Variants in SIRPA observed in about 807,000 individuals in gnomAD.
The protein encoded by SIRPA is signal regulatory protein alpha, also known as tyrosine-protein phosphatase non-receptor type substrate 1.
In SIRPA, 9 loss-of-function variants were observed where a neutral mutation model predicts 50.3. The ratio of observed to expected loss-of-function variants is 0.18; its 90% CI spans 0.11 to 0.31. The LOEUF (loss-of-function observed/expected upper bound fraction) is 0.31. SIRPA is among the 10% of genes least tolerant of loss of function. The pLI, the probability that SIRPA is intolerant of heterozygous loss-of-function variation, is 1.00. For missense variants in SIRPA, 474 were observed against 661.6 expected (o/e 0.72, Z 3.11); for synonymous variants, 265 against 284.1 (o/e 0.93, Z 0.68).
chr20:1,895,547 C>A (rs1275701365), intron 1 of SIRPA, 21 bp downstream of exon 1: 2 of 1,420,122 alleles, frequency 1.4e-6, no homozygotes, highest in East Asian at 6.1e-5. Context: ...CCCCGCTCCC[C>A]ACCGCTGCAC....
At position 1,915,014 on chromosome 20, in the gene SIRPA, T is replaced by C; in HGVS notation, c.80-85T>C. The C allele has an allele frequency of 2.7e-6, 3 of 1,109,396 alleles. No individual in the cohort carries two copies. The South Asian group carries it at 4.5e-5, about 17-fold the overall frequency. 68.7% of individuals were successfully genotyped at this position (1,109,396 alleles called of 1,614,324 possible). On this transcript the variant is annotated intron_variant, in intron 1 of 7. Transcript: ENST00000358771. ...CAGCCTGCTTCTGGTGTGCATCCAG[T>C]CAATGAACGTCATTGATAAACACTT...
intron 5 of SIRPA, among the ~76,000 whole-genome samples, chr20:1,926,624 T>A (rs193017456): frequency 6.6e-6 from 1 of 152,346 alleles, no homozygotes; most frequent in East Asian, 1.9e-4. Context: ...TCACTGTGCT[T>A]TCCCTGTAGT....
rs1042701466 is a variant in SIRPA at position 1,924,050 on chromosome 20, T to C, written c.1088-714T>C. Among the ~76,000 whole-genome samples the C allele has an allele frequency of 7.2e-5, 11 of 152,042 alleles. No homozygotes were observed. The highest frequency in any genetic ancestry group is 2.7e-4 in the African/African-American group (11 of 41,370). On this transcript the variant is annotated intron_variant, in intron 4 of 7. Coordinates refer to ENST00000358771, the MANE Select transcript of SIRPA (RefSeq NM_001040023.2). This position sits in a 1 kb window ranked among gnomAD's most constrained non-coding sequence, Gnocchi z 4.5. ...CATAATCCTTAGTTAGCCAATGAGG[T>C]AGAGATGACTGTTGGCCCCAGTAAC...
intron 1 of SIRPA, among the ~76,000 whole-genome samples, chr20:1,903,767 T>G (rs1024070243): frequency 6.6e-6 from 1 of 152,196 alleles, no homozygotes; most frequent in African/African-American, 2.4e-5. Context: ...CTCCCTTCCT[T>G]GGATGCTGTC....
At position 1,898,745 on chromosome 20, in the gene SIRPA, G is replaced by T. The variant is rs1425071035; in HGVS notation, c.79+3219G>T. Among the ~76,000 whole-genome samples, 1 of 152,030 alleles carries T rather than the reference G, an allele frequency of 6.6e-6. No homozygotes were observed. Among genetic ancestry groups the T allele is most frequent in the East Asian group, 1.9e-4 (1 of 5,158 alleles). Reference sequence around the variant, plus strand: ...TGGCCTTGGGTGGAGGACTGTAGAAGAGTTCTTTCTCTGGGCAGAAGGTTT... The same window carrying T: ...TGGCCTTGGGTGGAGGACTGTAGAATAGTTCTTTCTCTGGGCAGAAGGTTT... On this transcript the variant is annotated intron_variant, in intron 1 of 7. Transcript: ENST00000358771. The surrounding 1 kb of genome is among the most constrained non-coding windows in gnomAD (Gnocchi z 4.3).
chr20:1,895,163 TCTCTCTCCTGCCGC>T (rs1246397920), upstream of SIRPA: 2 of 308,686 alleles, frequency 6.5e-6, no homozygotes, highest in Non-Finnish European at 1.2e-5. Context: ...TGGGTCTGTT[TCTCTCTCCTGCCGC>T]CTCTCTCTGG....
At position 1,928,787 on chromosome 20, in the gene SIRPA, G is replaced by C. The variant is rs1302824912; in HGVS notation, c.1226+888G>C. On this transcript the variant is annotated intron_variant, in intron 6 of 7. Transcript: ENST00000358771. This position sits in a 1 kb window ranked among gnomAD's most constrained non-coding sequence, Gnocchi z 4.9. ...AGAGGGAAGGAGAGGAAGAAGATAAGGTCAGGAAGACCCAGGTCCTCGGCA... is the reference window on the plus strand; with the variant it reads ...AGAGGGAAGGAGAGGAAGAAGATAACGTCAGGAAGACCCAGGTCCTCGGCA... Among the ~76,000 whole-genome samples the C allele has an allele frequency of 1.3e-5, 2 of 152,108 alleles. No individual in the cohort carries two copies. The highest frequency in any genetic ancestry group is 2.9e-5 in the Non-Finnish European group (2 of 68,032).
Position 1,927,841 on chromosome 20 carries a change from T to TAAAC in SIRPA, c.1202-31_1202-28dup, listed in dbSNP as rs1986074040. The TAAAC allele has an allele frequency of 6.2e-7, 1 of 1,610,718 alleles. No individual in the cohort carries two copies. Among genetic ancestry groups the TAAAC allele is most frequent in the African/African-American group, 1.3e-5 (1 of 74,892 alleles). ...TACATAAGAAAAGTGTGCTTCTAGT[T>TAAAC]AAACAACTGGCTTTTGTTTCTTTTG... On this transcript the variant is annotated intron_variant, in intron 5 of 7. Coordinates refer to ENST00000358771, the MANE Select transcript of SIRPA (RefSeq NM_001040023.2). The surrounding 1 kb of genome is among the most constrained non-coding windows in gnomAD (Gnocchi z 6.5).
At position 1,924,678 on chromosome 20, in the gene SIRPA, C is replaced by A; in HGVS notation, c.1088-86C>A. ...AGCCAGATGTTCTCAGTTAATGATG[C>A]CTGCTTAGTGGTGAAAAGCAGTGGT... is the stretch of plus-strand genomic sequence containing the variant. On this transcript the variant is annotated intron_variant, in intron 4 of 7. Coordinates refer to ENST00000358771, the MANE Select transcript of SIRPA (RefSeq NM_001040023.2). This position sits in a 1 kb window ranked among gnomAD's most constrained non-coding sequence, Gnocchi z 4.5. 2.8e-6 allele frequency: 3 copies of A among 1,065,056 alleles called. No homozygotes were observed. Among genetic ancestry groups the A allele is most frequent in the South Asian group, 1.3e-5 (1 of 76,380 alleles). 66.0% of individuals were successfully genotyped at this position (1,065,056 alleles called of 1,614,324 possible).
intron 1 of SIRPA, among the ~76,000 whole-genome samples, chr20:1,897,027 T>A (rs1290170741): frequency 6.6e-6 from 1 of 152,162 alleles, no homozygotes; most frequent in Non-Finnish European, 1.5e-5. Flanking sequence ...CCGAGTTAAT[T>A]TCTAAATGTC....
At chr20:1,911,857 G>A (rs1984903225) in intron 1 of SIRPA, among the ~76,000 whole-genome samples, 1 of 151,264 alleles carries the variant, frequency 6.6e-6, no homozygotes, top group Non-Finnish European at 1.5e-5. Context: ...AATTTGGCCA[G>A]CAAGTGACCC....
intron 1 of SIRPA, among the ~76,000 whole-genome samples, chr20:1,902,915 G>A (rs1484993017): frequency 2.6e-5 from 4 of 151,488 alleles, no homozygotes; most frequent in East Asian, 1.9e-4. Context: ...TGGAGGCTGC[G>A]GCAGGAGAAT....
Position 1,939,986 on chromosome 20 carries a change from A to T in SIRPA, c.*2418A>T, listed in dbSNP as rs773698897. Reference sequence around the variant, plus strand: ...CCCTCCTGCCAAAGCCTGGAAGAGGATTGAATGGACCCCAGGGTTTGGAAA... The same window carrying T: ...CCCTCCTGCCAAAGCCTGGAAGAGGTTTGAATGGACCCCAGGGTTTGGAAA... On this transcript the variant is annotated 3_prime_UTR_variant, in exon 8 of 8. Coordinates refer to ENST00000358771, the MANE Select transcript of SIRPA (RefSeq NM_001040023.2). The surrounding 1 kb of genome is among the most constrained non-coding windows in gnomAD (Gnocchi z 4.7). 6.6e-6 allele frequency: 1 copy of T among 152,380 alleles called. No individual in the cohort carries two copies. Among genetic ancestry groups the T allele is most frequent in the African/African-American group, 2.4e-5 (1 of 41,428 alleles). 9.4% of individuals were successfully genotyped at this position (152,380 alleles called of 1,614,324 possible). A position where few individuals can be genotyped will look rare whatever the true frequency, so the allele number is the denominator to read the frequency against.
At position 1,937,509 on chromosome 20, in the gene SIRPA, G is replaced by T. The variant is rs751040166; in HGVS notation, c.1456G>T (p.Ala486Ser). 1.2e-6 allele frequency: 2 copies of T among 1,614,088 alleles called. No individual in the cohort carries two copies. Among genetic ancestry groups the T allele is most frequent in the Non-Finnish European group, 8.5e-7 (1 of 1,180,014 alleles). ...VHLNRTPKQP[A>S]PKPEPSFSEY... is the part of the protein sequence containing the mutation. ...CCTCAACCGGACCCCCAAGCAGCCG[G>T]CCCCCAAGCCTGAGCCGTCCTTCTC... is the stretch of plus-strand genomic sequence containing the variant. Residue 486 changes from alanine to serine, a missense_variant, in exon 8 of 8, where the codon GCC becomes TCC. Physicochemically the swap from Ala to Ser is moderately conservative, Grantham distance 99. Around this residue, in one of 4 missense-constraint regions of SIRPA, gnomAD observed 180 missense variants for 206.7 expected, o/e 0.87. Transcript: ENST00000358771. This position sits in a 1 kb window ranked among gnomAD's most constrained non-coding sequence, Gnocchi z 8.3.
rs1427029848 is a variant in SIRPA at position 1,924,249 on chromosome 20, A to C, written c.1088-515A>C. On this transcript the variant is annotated intron_variant, in intron 4 of 7. Coordinates refer to ENST00000358771, the MANE Select transcript of SIRPA (RefSeq NM_001040023.2). This position sits in a 1 kb window ranked among gnomAD's most constrained non-coding sequence, Gnocchi z 4.5. The stretch of plus-strand genomic sequence containing the variant: ...CTGTGCTGTGGGCAGTCAAGCCTCC[A>C]TTGTATTTTCAAGAGTCCTGGTTCA... Among the ~76,000 whole-genome samples the C allele has an allele frequency of 6.6e-6, 1 of 152,158 alleles. No homozygotes were observed. Among genetic ancestry groups the C allele is most frequent in the East Asian group, 1.9e-4 (1 of 5,194 alleles).
At chr20:1,906,195 G>A (rs1167071042) in intron 1 of SIRPA, among the ~76,000 whole-genome samples, 1 of 152,068 alleles carries the variant, frequency 6.6e-6, no homozygotes, top group Non-Finnish European at 1.5e-5. Context: ...GTCCAGAGTG[G>A]GCGAGACATT....
Position 1,900,065 on chromosome 20 carries a change from C to CCTTCAG in SIRPA, c.79+4543_79+4548dup, listed in dbSNP as rs1201873382. Among the ~76,000 whole-genome samples the CCTTCAG allele has an allele frequency of 3.1e-4, 47 of 151,614 alleles. No individual in the cohort carries two copies. In the East Asian group the frequency reaches 8.2e-3, roughly 26 times the overall value. ...CAAAGGCTGTTCAGTGAACAAATGTCCTTCAGCTTGATATTTTCCTTGTAG... is the reference window on the plus strand; with the variant it reads ...CAAAGGCTGTTCAGTGAACAAATGTCCTTCAGCTTCAGCTTGATATTTTCCTTGTAG... On this transcript the variant is annotated intron_variant, in intron 1 of 7. Coordinates refer to ENST00000358771, the MANE Select transcript of SIRPA (RefSeq NM_001040023.2).
rs573548548 is a variant in SIRPA, at chr20:1,929,701, C to T, written c.1226+1802C>T. Among the ~76,000 whole-genome samples, 44 of 152,244 alleles carry T rather than the reference C, an allele frequency of 2.9e-4. No individual in the cohort carries two copies. In the Middle Eastern group the frequency reaches 0.01, roughly 35 times the overall value. Reference sequence around the variant, plus strand: ...TTTTCCTCCCCTGAACAAGCAGAGCCGCCTCTCCAGCAAAACTAGGCTCTT... The same window carrying T: ...TTTTCCTCCCCTGAACAAGCAGAGCTGCCTCTCCAGCAAAACTAGGCTCTT... On this transcript the variant is annotated intron_variant, in intron 6 of 7. Coordinates refer to ENST00000358771, the MANE Select transcript of SIRPA (RefSeq NM_001040023.2).
At chr20:1,899,329 C>A (rs1007867259) in intron 1 of SIRPA, among the ~76,000 whole-genome samples, 2 of 152,112 alleles carry the variant, frequency 1.3e-5, no homozygotes, top group East Asian at 3.9e-4. Flanking sequence ...GATAACCAGG[C>A]TTCCTCCCTG....
Sources: allele counts gnomAD v4.1 joint callset (sites outside exome capture counted in the v4.1 genomes callset), GRCh38; gene constraint gnomAD v4.1.1; regional missense constraint gnomAD v4.1.1; non-coding constraint Gnocchi (gnomAD v3.1); transcripts MANE v1.5; gene names NCBI Gene and HGNC (gene_info 2026-07-23, HGNC 2026-07-21).